UNC80: variants seen among roughly 807,000 people sequenced by gnomAD.
The protein encoded by UNC80 is protein unc-80 homolog.
Under a neutral mutation model 384.6 loss-of-function variants are expected in UNC80, and 164 were observed. The observed-to-expected ratio is 0.43, with a 90% CI of 0.38 to 0.49. The LOEUF (loss-of-function observed/expected upper bound fraction) is 0.49. Ranked by LOEUF, UNC80 falls within the 20% of genes least tolerant of loss-of-function variation. The probability of loss-of-function intolerance (pLI) is 0.00; values close to 1 mark genes in which losing one functional copy is unlikely to be tolerated. For synonymous variants in UNC80, 1,486 were observed against 1,527.8 expected (o/e 0.97, Z 0.64); for missense variants, 3,330 against 4,143.0 (o/e 0.80, Z 5.39).
intron 21 of UNC80, among the ~76,000 whole-genome samples, chr2:209,844,472 TTTCTTTCCTTCCTTCCTTCC>T (rs1235312524): frequency 6.6e-3 from 508 of 77,046 alleles, no homozygotes; most frequent in Middle Eastern, 0.04. Flanking sequence ...TCTTTCTTTC[TTTCTTTCCTTCCTTCCTTCC>T]TTCCTTCCTT....
intron 43 of UNC80, among the ~76,000 whole-genome samples, chr2:209,940,118 G>T (rs147623176): frequency 6.6e-6 from 1 of 152,184 alleles, no homozygotes; most frequent in Non-Finnish European, 1.5e-5. Context: ...CAGTTGAAGC[G>T]TGGGTAGGAT....
At position 209,851,709 on chromosome 2, in the gene UNC80, T is replaced by G. The variant is rs75241719; in HGVS notation, c.3627+2086T>G. ...ATTCTAAGGTTGATTGATGAATGATTAGTATTTATTGTATGCCCACCGTGT... is the reference window on the plus strand; with the variant it reads ...ATTCTAAGGTTGATTGATGAATGATGAGTATTTATTGTATGCCCACCGTGT... On this transcript the variant is annotated intron_variant, in intron 22 of 64. Transcript: ENST00000673920. 8.9e-3 allele frequency among the ~76,000 whole-genome samples: 1,359 copies of G among 152,082 alleles called. 19 individuals are homozygous for G. Among genetic ancestry groups the G allele is most frequent in the African/African-American group, 0.031 (1,278 of 41,494 alleles).
At chr2:209,894,485 T>C (rs1223371509) in intron 27 of UNC80, 119 bp downstream of exon 27, 4 of 490,802 alleles carry the variant, frequency 8.1e-6, no homozygotes, top group Non-Finnish European at 1.1e-5. Context: ...AGCCATAGGA[T>C]AGACAACCTG....
At position 209,976,167 on chromosome 2, in the gene UNC80, G is replaced by C; in HGVS notation, c.8636G>C (p.Trp2879Ser). Residue 2879 changes from tryptophan (W) to serine (S), a missense_variant, in exon 57 of 65, where the codon TGG becomes TCG. Transcript: ENST00000673920. This position sits in a 1 kb window ranked among gnomAD's most constrained non-coding sequence, Gnocchi z 4.3. ...TTTGAGAGGCAGCTCGGAAGCCAGT[G>C]GTACTGGCTGAGCCTCCAGGTGAAG... The part of the protein sequence containing the change: ...VCFERQLGSQ[W>S]YWLSLQVKEM... 4 of 1,551,658 alleles carry C rather than the reference G, an allele frequency of 2.6e-6. No homozygotes were observed. The highest frequency in any genetic ancestry group is 3.5e-6 in the Non-Finnish European group (4 of 1,146,982).
At chr2:209,979,458 AGAAAAGACCAG>A (rs1198299127) in intron 59 of UNC80, among the ~76,000 whole-genome samples, 1 of 152,186 alleles carries the variant, frequency 6.6e-6, no homozygotes, top group Non-Finnish European at 1.5e-5. Context: ...CCTAGGACTC[AGAAAAGACCAG>A]TTGGCTCTAC....
In UNC80 at chr2:209,995,452, TC is replaced by T. The variant is rs1291996926; in HGVS notation, c.9834del (p.Ser3279AlafsTer41). 1.3e-6 allele frequency: 2 copies of T among 1,551,842 alleles called. No individual in the cohort carries two copies. The highest frequency in any genetic ancestry group is 1.7e-6 in the Non-Finnish European group (2 of 1,147,034). ...TGATGACTTCACAGGCCTCGAGACATCCAGCCTCCTACAGCATGGAGACACT... is the reference window on the plus strand; with the variant it reads ...TGATGACTTCACAGGCCTCGAGACATCAGCCTCCTACAGCATGGAGACACT... The part of the protein sequence containing the change: ...DPDDFTGLET[S>X]SLLQHGDTVL... On this transcript the variant is annotated frameshift_variant, in exon 65 of 65. Coordinates refer to ENST00000673920, the MANE Select transcript of UNC80 (RefSeq NM_001371986.1). LOFTEE classifies it high-confidence loss of function.
chr2:209,796,926 A>G (rs935390680), intron 7 of UNC80, among the ~76,000 whole-genome samples: 3 of 152,202 alleles, frequency 2.0e-5, no homozygotes, highest in African/African-American at 7.2e-5. Context: ...CCAATTTAAG[A>G]ACATTTTCAT....
intron 29 of UNC80, among the ~76,000 whole-genome samples, chr2:209,910,508 A>C (rs2088797322): frequency 6.6e-6 from 1 of 152,050 alleles, no homozygotes; most frequent in Admixed American, 6.6e-5. Flanking sequence ...CCACTAAAAC[A>C]AGCACCCTAA....
intron 7 of UNC80, among the ~76,000 whole-genome samples, chr2:209,807,365 T>C (rs1484721203): frequency 0.058 from 9 of 154 alleles, no homozygotes; most frequent in Admixed American, 0.45. Flanking sequence ...CCTCATGTCA[T>C]TTTTTTTTTT....
intron 38 of UNC80, 102 bp downstream of exon 38, chr2:209,931,156 C>T: frequency 1.2e-6 from 1 of 837,124 alleles, no homozygotes. Context: ...TTACTAAAGG[C>T]AAATCCTGGT....
chr2:209,787,920 T>C (rs1375948283), intron 5 of UNC80, among the ~76,000 whole-genome samples: 2 of 152,202 alleles, frequency 1.3e-5, no homozygotes, highest in Non-Finnish European at 2.9e-5. Flanking sequence ...GAAGGCATTG[T>C]TATCATAAAA....
At chr2:209,950,071 T>C (rs6724144) in intron 47 of UNC80, among the ~76,000 whole-genome samples, 15,802 of 150,486 alleles carry the variant, frequency 0.11, 2,022 homozygotes, top group African/African-American at 0.31. Context: ...AGCTCAAGTG[T>C]TCCTCCCACC....
rs1209067404 is a variant in UNC80, at chr2:209,996,862, ATACT to A, written c.*1270_*1273del. Reference sequence around the variant, plus strand: ...ACCAAGCATATACAAACTCATATACATACTTAAATTGGTACGGTGGTGTATGTGT... The same window carrying A: ...ACCAAGCATATACAAACTCATATACATAAATTGGTACGGTGGTGTATGTGT... On this transcript the variant is annotated 3_prime_UTR_variant, in exon 65 of 65. Transcript: ENST00000673920. The A allele has an allele frequency of 2.0e-5, 3 of 152,108 alleles. No homozygotes were observed. The highest frequency in any genetic ancestry group is 7.2e-5 in the African/African-American group (3 of 41,418). 9.4% of individuals were successfully genotyped at this position (152,108 alleles called of 1,614,324 possible).
rs79830586 is a variant in UNC80 at position 209,789,843 on chromosome 2, C to T, written c.798+238C>T. ...ACCATATACGACTAGTATTTTATCT[C>T]GGTGGTTAGTGTGTAATGAGTTGTG... On this transcript the variant is annotated intron_variant, in intron 6 of 64. Coordinates refer to ENST00000673920, the MANE Select transcript of UNC80 (RefSeq NM_001371986.1). Among the ~76,000 whole-genome samples, 321 of 151,980 alleles carry T rather than the reference C, an allele frequency of 2.1e-3. 4 individuals carry two copies. The highest frequency in any genetic ancestry group is 0.011 in the East Asian group (59 of 5,164).
At chr2:209,806,190 A>C (rs761170371) in intron 7 of UNC80, among the ~76,000 whole-genome samples, 6 of 152,192 alleles carry the variant, frequency 3.9e-5, no homozygotes, top group Non-Finnish European at 5.9e-5. Context: ...TATATTTCTT[A>C]TATAATCTTT....
chr2:209,796,455 T>C (rs4673487), intron 7 of UNC80: 1 of 151,968 alleles, frequency 6.6e-6, no homozygotes, highest in East Asian at 1.9e-4. Context: ...AAGGCATGGT[T>C]GGTTTTGAAA....
rs958545444 is a variant in UNC80, at chr2:209,819,150, C to T, written c.1851C>T (p.Asn617=). 1.9e-6 allele frequency: 3 copies of T among 1,552,220 alleles called. No individual in the cohort carries two copies. The Admixed American group carries it at 5.9e-5, about 30-fold the overall frequency. Residue 617 remains asparagine, a synonymous_variant, in exon 12 of 65, where the codon AAC becomes AAT. Coordinates refer to ENST00000673920, the MANE Select transcript of UNC80 (RefSeq NM_001371986.1). ...CACATGAACCTCTGGCATGTGCTAA[C>T]CTACCTCGAAGCCTCACAGACTCCT... ...EMPHEPLACA[N]LPRSLTDSCI...
In UNC80 at chr2:209,945,899, G is replaced by A; in HGVS notation, c.7242G>A (p.Lys2414=). 6.4e-7 allele frequency: 1 copy of A among 1,552,016 alleles called. No homozygotes were observed. ...DLTFSISEAI[K]LCVTVVAYAP... ...CATTTTCTATCAGTGAAGCCATTAA[G>A]CTCTGTGTCACTGTGGTGGCGTATG... The change falls in exon 47 of 65, where the codon AAG becomes AAA. Residue 2414 remains lysine (K), a synonymous_variant. Coordinates refer to ENST00000673920, the MANE Select transcript of UNC80 (RefSeq NM_001371986.1).
rs553343048 is a variant in UNC80 at position 209,949,913 on chromosome 2, G to C, written c.7286+3970G>C. 3.9e-5 allele frequency among the ~76,000 whole-genome samples: 6 copies of C among 152,128 alleles called. No individual in the cohort carries two copies. In the East Asian group the frequency reaches 1.2e-3, roughly 29 times the overall value. On this transcript the variant is annotated intron_variant, in intron 47 of 64. Transcript: ENST00000673920. ...CACAATCATGGCCCACTGCAGCCTTGATCTCCCAGACTCGAGCAATCCTCC... is the reference window on the plus strand; with the variant it reads ...CACAATCATGGCCCACTGCAGCCTTCATCTCCCAGACTCGAGCAATCCTCC...
Sources: allele counts gnomAD v4.1 joint callset (sites outside exome capture counted in the v4.1 genomes callset), GRCh38; gene constraint gnomAD v4.1.1; non-coding constraint Gnocchi (gnomAD v3.1); transcripts MANE v1.5; gene names NCBI Gene and HGNC (gene_info 2026-07-23, HGNC 2026-07-21).